DAB1: variants seen among roughly 807,000 people sequenced by gnomAD.
DAB1 encodes disabled homolog 1.
In DAB1, 15 loss-of-function variants were observed where a neutral mutation model predicts 64.6. The observed-to-expected ratio is 0.23, with a 90% CI of 0.16 to 0.36. The LOEUF is 0.36. Ranked by LOEUF, DAB1 falls within the 10% of genes least tolerant of loss-of-function variation. The pLI is 1.00. For synonymous variants in DAB1, 235 were observed against 251.9 expected (o/e 0.93, Z 0.64); for missense variants, 596 against 706.7 (o/e 0.84, Z 1.78).
At chr1:57,435,697 G>C (rs1403542799) in intron 7 of DAB1, among the ~76,000 whole-genome samples, 1 of 152,074 alleles carries the variant, frequency 6.6e-6, no homozygotes, top group Non-Finnish European at 1.5e-5. Context: ...TGCATGAGCT[G>C]TTATCTCCTA....
intron 4 of DAB1, among the ~76,000 whole-genome samples, chr1:58,219,023 CTCTG>C (rs1395935453): frequency 4.8e-3 from 549 of 115,456 alleles, no homozygotes; most frequent in Non-Finnish European, 6.1e-3. Flanking sequence ...CTCTCTCTCT[CTCTG>C]TGTGTGTGTG....
At chr1:57,472,749 C>T (rs907370284) in intron 7 of DAB1, among the ~76,000 whole-genome samples, 5 of 152,158 alleles carry the variant, frequency 3.3e-5, no homozygotes, top group Admixed American at 2.0e-4. Context: ...CCGATGCCCC[C>T]AGCCAAATAA....
intron 4 of DAB1, among the ~76,000 whole-genome samples, chr1:57,110,031 G>A (rs550682324): frequency 3.3e-5 from 5 of 152,266 alleles, no homozygotes; most frequent in African/African-American, 1.2e-4. Context: ...TGACACAGGA[G>A]ACATAACGAG....
chr1:57,311,750 T>G (rs1168487047), intron 1 of DAB1, among the ~76,000 whole-genome samples: 1 of 152,218 alleles, frequency 6.6e-6, no homozygotes, highest in Non-Finnish European at 1.5e-5. Flanking sequence ...AGGTCATCAG[T>G]GGACACCTTA....
chr1:57,341,909 A>C (rs982289294), intron 1 of DAB1, among the ~76,000 whole-genome samples: 3 of 152,234 alleles, frequency 2.0e-5, no homozygotes, highest in Non-Finnish European at 4.4e-5. Context: ...AGGTGATGCC[A>C]TCTGTCACTG....
intron 1 of DAB1, among the ~76,000 whole-genome samples, chr1:57,314,838 C>T (rs373574094): frequency 3.6e-4 from 55 of 151,316 alleles, no homozygotes; most frequent in South Asian, 6.3e-4. Context: ...GGTACACAGA[C>T]GGGAAGAAGG....
At chr1:57,052,348 C>A (rs980635440) in intron 9 of DAB1, among the ~76,000 whole-genome samples, 7 of 152,164 alleles carry the variant, frequency 4.6e-5, no homozygotes, top group Non-Finnish European at 8.8e-5. Flanking sequence ...ATCATTTTCT[C>A]CCAGGATATC....
At chr1:57,120,811 G>A in intron 4 of DAB1, among the ~76,000 whole-genome samples, 1 of 152,128 alleles carries the variant, frequency 6.6e-6, no homozygotes, top group East Asian at 1.9e-4. Context: ...CGGGTGAGTA[G>A]GAGTCCATTG....
chr1:57,216,105 T>A (rs1391905532), intron 2 of DAB1, among the ~76,000 whole-genome samples: 1 of 152,120 alleles, frequency 6.6e-6, no homozygotes, highest in East Asian at 1.9e-4. Context: ...CATGGGTGTG[T>A]TGGGACCACT....
chr1:57,740,576 G>A (rs1398701990), intron 6 of DAB1, among the ~76,000 whole-genome samples: 2 of 152,218 alleles, frequency 1.3e-5, no homozygotes, highest in East Asian at 3.8e-4. Flanking sequence ...GTTTCCCTAA[G>A]TGCTAGGGTT....
intron 6 of DAB1, among the ~76,000 whole-genome samples, chr1:57,791,498 CTG>C (rs1286907796): frequency 6.6e-6 from 1 of 152,166 alleles, no homozygotes; most frequent in East Asian, 1.9e-4. Flanking sequence ...ATCAAACAGA[CTG>C]GAGTTCAAAT....
rs139173781 is a variant in DAB1, at chr1:57,865,769, G to T, written n.87+18230C>A. Among the ~76,000 whole-genome samples the T allele has an allele frequency of 3.5e-4, 54 of 152,282 alleles. 2 individuals are homozygous for T. The East Asian group carries it at 9.6e-3, about 27-fold the overall frequency. On this transcript the variant is annotated intron_variant and non_coding_transcript_variant, in intron 1 of 1. Transcript: ENST00000477280. ...TTAGACTGCGTGGATTCAAAGCATA[G>T]ATCTACTACCTACTGGCTGTATCAA...
intron 3 of DAB1, among the ~76,000 whole-genome samples, chr1:58,469,371 C>T (rs1213478643): frequency 6.6e-6 from 1 of 151,810 alleles, no homozygotes; most frequent in East Asian, 1.9e-4. Flanking sequence ...ATGATGTAAG[C>T]ATAGAGTCTG....
At chr1:57,462,772 T>G (rs1473873002) in intron 7 of DAB1, among the ~76,000 whole-genome samples, 4 of 152,142 alleles carry the variant, frequency 2.6e-5, no homozygotes, top group Non-Finnish European at 4.4e-5. Flanking sequence ...GGTTTATTAT[T>G]GAGTGAAGGA....
chr1:57,664,334 AT>A (rs1646422079), intron 6 of DAB1, among the ~76,000 whole-genome samples: 1 of 152,186 alleles, frequency 6.6e-6, no homozygotes, highest in South Asian at 2.1e-4. Flanking sequence ...ATATATTAAT[AT>A]ATTCAAGTAA....
chr1:57,461,174 A>C (rs1414142489), intron 7 of DAB1, among the ~76,000 whole-genome samples: 1 of 152,180 alleles, frequency 6.6e-6, no homozygotes, highest in Non-Finnish European at 1.5e-5. Context: ...CCATTTATCA[A>C]AGCAGATCTG....
intron 1 of DAB1, among the ~76,000 whole-genome samples, chr1:57,338,631 G>A (rs1677298428): frequency 6.6e-6 from 1 of 152,132 alleles, no homozygotes; most frequent in African/African-American, 2.4e-5. Context: ...CCCATATGTA[G>A]TATCTATTTC....
At chr1:58,173,236 A>G (rs1656275795) in intron 4 of DAB1, among the ~76,000 whole-genome samples, 1 of 152,174 alleles carries the variant, frequency 6.6e-6, no homozygotes, top group South Asian at 2.1e-4. Flanking sequence ...GTGGTTCATG[A>G]CAGAAGAAGG....
chr1:57,407,810 T>TC (rs1261099519), intron 1 of DAB1, among the ~76,000 whole-genome samples: 1 of 125,458 alleles, frequency 8.0e-6, no homozygotes, highest in African/African-American at 3.0e-5. Flanking sequence ...GTGTGTGTGT[T>TC]TGTACATATA....
Sources: gnomAD v4.1 joint callset for allele counts (sites outside exome capture counted in the v4.1 genomes callset) on GRCh38, gnomAD v4.1.1 for gene constraint, MANE v1.5 for transcripts, NCBI Gene and HGNC (gene_info 2026-07-23, HGNC 2026-07-21) for gene names.